Variants in SYCP2 observed in about 807,000 individuals in gnomAD.
The protein encoded by SYCP2 is synaptonemal complex lateral element protein.
In SYCP2, 55 loss-of-function variants were observed where a neutral mutation model predicts 211.3. The observed-to-expected ratio is 0.26, with a 90% CI of 0.21 to 0.33. The LOEUF is 0.33. Among genes scored for constraint, SYCP2 ranks in the 10% least tolerant of loss-of-function variants. The pLI is 1.00. For missense variants in SYCP2, 1,731 were observed against 1,752.0 expected, an observed-to-expected ratio of 0.99 and a Z score of 0.21; for synonymous variants, 570 against 555.2, an observed-to-expected ratio of 1.03 and a Z score of -0.37.
chr20:59,869,730 A>G, intron 36 of SYCP2, 68 bp downstream of exon 36: 4 of 826,392 alleles, frequency 4.8e-6, no homozygotes, highest in Non-Finnish European at 5.7e-6. Flanking sequence ...ACTAAAGGTC[A>G]GTAATCTGAG....
At chr20:59,916,001 AAAT>A (rs2060433542) in intron 8 of SYCP2, among the ~76,000 whole-genome samples, 1 of 152,144 alleles carries the variant, frequency 6.6e-6, no homozygotes, top group Non-Finnish European at 1.5e-5. Context: ...AAAAAAATAA[AAAT>A]AATAAAGTAT....
rs748132462 is a variant in SYCP2 at position 59,864,291 on chromosome 20, AT to A, written c.*19del. ...ACAGAGAATAATAATTAGATAAAGT[AT>A]GGTGATAAAAACTAGATTTCACACA... On this transcript the variant is annotated 3_prime_UTR_variant, in exon 45 of 45. Transcript: ENST00000357552. The A allele has an allele frequency of 1.3e-6, 2 of 1,496,160 alleles. No homozygotes were observed. The highest frequency in any genetic ancestry group is 1.8e-6 in the Non-Finnish European group (2 of 1,083,908). The allele number at this position is 1,496,160 out of a possible 1,614,324, so 92.7% of individuals were successfully genotyped here.
chr20:59,872,842 C>A (rs2059480243), intron 35 of SYCP2, among the ~76,000 whole-genome samples: 1 of 151,964 alleles, frequency 6.6e-6, no homozygotes, highest in South Asian at 2.1e-4. Context: ...AGTCTATGGC[C>A]TTTAATAAAC....
In SYCP2 at chr20:59,875,397, T is replaced by C. The variant is rs768026701; in HGVS notation, c.3223A>G (p.Thr1075Ala). ...KKQQKVFCAE[T>A]EKELSKQWKN... is the part of the protein sequence containing the mutation. ...CATTGTTTTGATAGTTCCTTTTCTG[T>C]TTCAGCACAGAAGACTTTCTGTTGT... The change falls in exon 34 of 45, where the codon ACA becomes GCA. Residue 1075 changes from threonine (T) to alanine (A), a missense_variant. Transcript: ENST00000357552. 6.2e-7 allele frequency: 1 copy of C among 1,613,072 alleles called. No homozygotes were observed. Among genetic ancestry groups the C allele is most frequent in the East Asian group, 2.2e-5 (1 of 44,718 alleles).
intron 18 of SYCP2, among the ~76,000 whole-genome samples, chr20:59,898,057 T>C (rs1600898257): frequency 6.6e-6 from 1 of 151,998 alleles, no homozygotes; most frequent in African/African-American, 2.4e-5. Context: ...GAGGCGGAGG[T>C]TGCAGTGAGC....
At chr20:59,896,157 G>A (rs1470524337) in intron 19 of SYCP2, among the ~76,000 whole-genome samples, 1 of 152,024 alleles carries the variant, frequency 6.6e-6, no homozygotes, top group Non-Finnish European at 1.5e-5. Flanking sequence ...CACCTGGCCT[G>A]GTTAATTCAG....
intron 31 of SYCP2, among the ~76,000 whole-genome samples, chr20:59,879,219 T>C (rs1437391126): frequency 1.3e-5 from 2 of 152,082 alleles, no homozygotes; most frequent in Non-Finnish European, 2.9e-5. Flanking sequence ...TTCACCATTT[T>C]CCCATAAATA....
At chr20:59,877,170 G>T (rs2059577331) in intron 33 of SYCP2, among the ~76,000 whole-genome samples, 1 of 152,086 alleles carries the variant, frequency 6.6e-6, no homozygotes, top group South Asian at 2.1e-4. Flanking sequence ...AATTTCACTA[G>T]ATTCAGACAT....
intron 24 of SYCP2, among the ~76,000 whole-genome samples, chr20:59,889,056 T>G (rs1238640418): frequency 6.6e-6 from 1 of 151,962 alleles, no homozygotes; most frequent in Non-Finnish European, 1.5e-5. Context: ...TTCCTAACGA[T>G]CTATAAATTT....
chr20:59,895,593 T>TTTA lies in SYCP2; in HGVS notation c.1508_1509insTAA (p.Ile503_Pro504insLys). The TTTA allele has an allele frequency of 6.2e-7, 1 of 1,612,940 alleles. No individual in the cohort carries two copies. Among genetic ancestry groups the TTTA allele is most frequent in the Non-Finnish European group, 8.5e-7 (1 of 1,179,348 alleles). ...GTTTAATTCTTCTTCTTCGTGGTGG[T>TTTA]ATTGCTAAAAAGGAGGACAAGGATT... On this transcript the variant is annotated inframe_insertion, in exon 20 of 45. Coordinates refer to ENST00000357552, the MANE Select transcript of SYCP2 (RefSeq NM_014258.4).
chr20:59,868,934 C>T lies in SYCP2; in HGVS notation c.3742-9G>A, dbSNP rs201277275. 2.5e-4 allele frequency: 396 copies of T among 1,585,514 alleles called. 2 individuals are homozygous for T. Among genetic ancestry groups the T allele is most frequent in the Non-Finnish European group, 1.4e-4 (168 of 1,165,642 alleles). On this transcript the variant is annotated splice_polypyrimidine_tract_variant and intron_variant, in intron 36 of 44. Coordinates refer to ENST00000357552, the MANE Select transcript of SYCP2 (RefSeq NM_014258.4). The stretch of plus-strand genomic sequence containing the variant: ...GATGCTAAATGACTTTCCTAAAATA[C>T]GTATTAGAAATTAGAAAAAAATTCC...
At position 59,892,703 on chromosome 20, in the gene SYCP2, T is replaced by C; in HGVS notation, c.1794-2A>G. On this transcript the variant is annotated splice_acceptor_variant, in intron 22 of 44. Coordinates refer to ENST00000357552, the MANE Select transcript of SYCP2 (RefSeq NM_014258.4). LOFTEE classifies it high-confidence loss of function. ...ATGTTGTCTAAAACACCAGGTAATCTAGAAAATAAATTAATTTGCTTAATG... is the reference window on the plus strand; with the variant it reads ...ATGTTGTCTAAAACACCAGGTAATCCAGAAAATAAATTAATTTGCTTAATG... 1 of 1,597,436 alleles carries C rather than the reference T, an allele frequency of 6.3e-7. No individual in the cohort carries two copies. The highest frequency in any genetic ancestry group is 8.5e-7 in the Non-Finnish European group (1 of 1,173,910).
chr20:59,865,627 C>A lies in SYCP2; in HGVS notation c.4404G>T (p.Leu1468Phe). The change falls in exon 43 of 45, where the codon TTG becomes TTT. Residue 1468 changes from leucine (L) to phenylalanine (F), a missense_variant. Physicochemically the swap from Leu to Phe is conservative, Grantham distance 22 (BLOSUM62 0). Around this residue, in one of 3 missense-constraint regions of SYCP2, gnomAD observed 1,387 missense variants for 1,351.3 expected, o/e 1.03. Coordinates refer to ENST00000357552, the MANE Select transcript of SYCP2 (RefSeq NM_014258.4). ...CAGTATTACAGAAGACACTTTTAGC[C>A]AATGAAGTTTTCAAAAGATGAAGCC... ...QQRLHLLKTS[L>F]AKSVFCNTDS... 6.3e-7 allele frequency: 1 copy of A among 1,599,356 alleles called. No individual in the cohort carries two copies.
chr20:59,866,669 T>G, intron 39 of SYCP2, 80 bp from the exon 40 acceptor site: 1 of 913,196 alleles, frequency 1.1e-6, no homozygotes, highest in Non-Finnish European at 1.6e-6. Flanking sequence ...GCAAATAATT[T>G]TCCACGAAAT....
At chr20:59,919,298 ATAAT>A (rs1233238325) in intron 6 of SYCP2, 116 bp from the exon 7 acceptor site, 2 of 688,470 alleles carry the variant, frequency 2.9e-6, no homozygotes, top group South Asian at 1.9e-5. Context: ...AACTCAGAGC[ATAAT>A]TACTTTTTAT....
At chr20:59,932,224 A>C (rs145521383) in intron 1 of SYCP2, 70 bp from the exon 2 acceptor site, 106 of 152,348 alleles carry the variant, frequency 7.0e-4, no homozygotes, top group African/African-American at 2.5e-3. Flanking sequence ...TGGGGGAGGC[A>C]AAGATTTTCC....
Position 59,864,009 on chromosome 20 carries a change from AAATTT to A in SYCP2, c.*297_*301del, listed in dbSNP as rs1465668581. 7 of 178,470 alleles carry A rather than the reference AAATTT, an allele frequency of 3.9e-5. No homozygotes were observed. Among genetic ancestry groups the A allele is most frequent in the Non-Finnish European group, 5.8e-5 (5 of 85,764 alleles). 11.1% of individuals were successfully genotyped at this position (178,470 alleles called of 1,614,324 possible). ...ATGTAATAATACATTTTACACAATAAAATTTAATTTATTAAAGAAACTCATTTTAT... is the reference window on the plus strand; with the variant it reads ...ATGTAATAATACATTTTACACAATAAAATTTATTAAAGAAACTCATTTTAT... On this transcript the variant is annotated 3_prime_UTR_variant, in exon 45 of 45. Coordinates refer to ENST00000357552, the MANE Select transcript of SYCP2 (RefSeq NM_014258.4).
chr20:59,928,032 T>G (rs1410626544), intron 2 of SYCP2, among the ~76,000 whole-genome samples: 1 of 152,156 alleles, frequency 6.6e-6, no homozygotes, highest in South Asian at 2.1e-4. Context: ...GGCAGTAAGT[T>G]TGCTCAATTC....
chr20:59,866,993 C>A, intron 39 of SYCP2, among the ~76,000 whole-genome samples: 1 of 122,996 alleles, frequency 8.1e-6, no homozygotes, highest in Admixed American at 9.7e-5. Context: ...CTTCTCTATT[C>A]AGATTAGGTT....
Sources: allele counts gnomAD v4.1 joint callset (sites outside exome capture counted in the v4.1 genomes callset), GRCh38; gene constraint gnomAD v4.1.1; regional missense constraint gnomAD v4.1.1; transcripts MANE v1.5; gene names NCBI Gene and HGNC (gene_info 2026-07-23, HGNC 2026-07-21).